Variants in UMAD1 observed in about 807,000 individuals in gnomAD.
UMAD1 encodes UBAP1-MVB12-associated (UMA)-domain containing protein 1.
In UMAD1, 8 loss-of-function variants were observed where a neutral mutation model predicts 6.1. The ratio of observed to expected loss-of-function variants is 1.30; its 90% CI spans 0.76 to 2.35. UMAD1 has a LOEUF of 2.35. UMAD1 is among the 30% of genes most tolerant of loss of function. The probability of loss-of-function intolerance (pLI) is 0.00; values close to 1 mark genes in which losing one functional copy is unlikely to be tolerated. For missense variants in UMAD1, 130 were observed against 78.4 expected (o/e 1.66, Z -2.49); for synonymous variants, 56 against 31.4 (o/e 1.78, Z -2.61).
rs150411259 is a variant in UMAD1 at position 7,835,462 on chromosome 7, C to CTTTTTTTTTTTTTTTTTT, written c.156+33740_156+33757dup. On this transcript the variant is annotated intron_variant, in intron 3 of 3. Coordinates refer to ENST00000682710, the MANE Select transcript of UMAD1 (RefSeq NM_001302348.2). ...CATTCATTCACTCATTGAAACAGCA[C>CTTTTTTTTTTTTTTTTTT]TTTTTTTTTTTTTTTTTTTTTTTTT... 3.3e-4 allele frequency among the ~76,000 whole-genome samples: 11 copies of CTTTTTTTTTTTTTTTTTT among 33,684 alleles called. 4 individuals are homozygous for CTTTTTTTTTTTTTTTTTT. Among genetic ancestry groups the CTTTTTTTTTTTTTTTTTT allele is most frequent in the Non-Finnish European group, 5.1e-4 (9 of 17,670 alleles). 22.1% of individuals were successfully genotyped at this position (33,684 alleles called of 152,430 possible). A position where few individuals can be genotyped will look rare whatever the true frequency, so the allele number is the denominator to read the frequency against.
At chr7:7,782,805 T>C (rs183585917) in intron 2 of UMAD1, among the ~76,000 whole-genome samples, 243 of 151,158 alleles carry the variant, frequency 1.6e-3, no homozygotes, top group Non-Finnish European at 2.9e-3. Context: ...GGCGTGATCT[T>C]GACTCACTGC....
intron 2 of UMAD1, among the ~76,000 whole-genome samples, chr7:7,785,935 T>A (rs920682113): frequency 6.6e-6 from 1 of 152,252 alleles, no homozygotes; most frequent in Non-Finnish European, 1.5e-5. Context: ...GTATATCATA[T>A]TCATGTATTC....
intron 2 of UMAD1, 133 bp downstream of exon 2, chr7:7,673,586 G>T: frequency 1.7e-6 from 1 of 605,544 alleles, no homozygotes; most frequent in Non-Finnish European, 2.9e-6. Flanking sequence ...TTTTTAAAGC[G>T]TAAAATCTGT....
intron 2 of UMAD1, among the ~76,000 whole-genome samples, chr7:7,798,376 A>G (rs559082799): frequency 7.9e-4 from 121 of 152,362 alleles, no homozygotes; most frequent in Middle Eastern, 6.8e-3. Context: ...GCATGGCTGT[A>G]CTATAAGGAT....
At chr7:7,777,371 T>C (rs1384863472) in intron 2 of UMAD1, among the ~76,000 whole-genome samples, 1 of 151,046 alleles carries the variant, frequency 6.6e-6, no homozygotes, top group South Asian at 2.1e-4. Context: ...CTGGGCGTGG[T>C]GGTGGGTGCC....
intron 1 of UMAD1, among the ~76,000 whole-genome samples, chr7:7,649,158 C>CAAAAAAAAAAAAAAAAAAAAAAAA: frequency 7.8e-6 from 1 of 128,864 alleles, no homozygotes; most frequent in Non-Finnish European, 1.6e-5. Flanking sequence ...GACTCCATCT[C>CAAAAAAAAAAAAAAAAAAAAAAAA]AAAAAAAAAA....
intron 3 of UMAD1, among the ~76,000 whole-genome samples, chr7:7,827,137 A>ATGTGTGTG (rs374866603): frequency 0.019 from 2,505 of 129,368 alleles, 39 homozygotes; most frequent in Admixed American, 0.042. Flanking sequence ...ATATATATAT[A>ATGTGTGTG]TATATATATA....
chr7:7,675,128 G>A (rs1044707221), intron 2 of UMAD1, among the ~76,000 whole-genome samples: 1 of 152,122 alleles, frequency 6.6e-6, no homozygotes, highest in Non-Finnish European at 1.5e-5. Flanking sequence ...GCCCCCCAAA[G>A]TGTTGGGATT....
At chr7:7,703,480 G>C (rs1334521891) in intron 2 of UMAD1, among the ~76,000 whole-genome samples, 1 of 152,064 alleles carries the variant, frequency 6.6e-6, no homozygotes, top group Non-Finnish European at 1.5e-5. Flanking sequence ...TTCATTGTGT[G>C]GATATAGCAC....
intron 2 of UMAD1, among the ~76,000 whole-genome samples, chr7:7,791,114 C>G (rs972162751): frequency 6.6e-6 from 1 of 152,178 alleles, no homozygotes; most frequent in Non-Finnish European, 1.5e-5. Context: ...TCTCGAACTC[C>G]CCACCTCAGG....
chr7:7,827,598 T>C (rs761979480), intron 3 of UMAD1, among the ~76,000 whole-genome samples: 4 of 152,166 alleles, frequency 2.6e-5, no homozygotes, highest in Non-Finnish European at 5.9e-5. Context: ...AAGATAACTT[T>C]TGAGAAAATA....
chr7:7,682,609 A>G (rs1245986666), intron 2 of UMAD1, among the ~76,000 whole-genome samples: 1 of 152,202 alleles, frequency 6.6e-6, no homozygotes, highest in Non-Finnish European at 1.5e-5. Flanking sequence ...ACAAAAACTA[A>G]ACAGGTTTTC....
intron 1 of UMAD1, among the ~76,000 whole-genome samples, chr7:7,669,447 C>T (rs964376906): frequency 2.6e-5 from 4 of 152,026 alleles, no homozygotes; most frequent in African/African-American, 9.7e-5. Flanking sequence ...GTTTTTATAC[C>T]ACTGTGTGTT....
At chr7:7,739,132 A>T (rs1432137182) in intron 2 of UMAD1, 1 of 152,242 alleles carries the variant, frequency 6.6e-6, no homozygotes, top group Admixed American at 6.5e-5. Context: ...GTATACTTTA[A>T]GTAGCTTAGA....
At chr7:7,741,419 A>C (rs1029278395) in intron 2 of UMAD1, among the ~76,000 whole-genome samples, 7 of 151,784 alleles carry the variant, frequency 4.6e-5, no homozygotes, top group African/African-American at 1.7e-4. Flanking sequence ...AAAATACAAA[A>C]AATTAGCTGG....
intron 1 of UMAD1, among the ~76,000 whole-genome samples, chr7:7,655,815 G>T (rs905302704): frequency 2.2e-5 from 3 of 134,190 alleles, no homozygotes; most frequent in African/African-American, 5.1e-5. Context: ...ATATATTTAG[G>T]ACAGTCTCTC....
intron 2 of UMAD1, among the ~76,000 whole-genome samples, chr7:7,763,819 A>C (rs1490955923): frequency 6.6e-6 from 1 of 152,236 alleles, no homozygotes; most frequent in East Asian, 1.9e-4. Flanking sequence ...CTTTTACTTA[A>C]ATTCATTCTG....
chr7:7,710,218 T>C (rs1780719643), intron 2 of UMAD1, among the ~76,000 whole-genome samples: 1 of 152,116 alleles, frequency 6.6e-6, no homozygotes, highest in South Asian at 2.1e-4. Context: ...TGTTTTGTTT[T>C]CCTAAAAACA....
intron 3 of UMAD1, among the ~76,000 whole-genome samples, chr7:7,868,794 T>G (rs1413849493): frequency 6.6e-6 from 1 of 152,174 alleles, no homozygotes; most frequent in African/African-American, 2.4e-5. Flanking sequence ...CCCCCCTAAT[T>G]TCTGTATCAG....
Sources: gnomAD v4.1 joint callset for allele counts (sites outside exome capture counted in the v4.1 genomes callset) on GRCh38, gnomAD v4.1.1 for gene constraint, MANE v1.5 for transcripts, NCBI Gene and HGNC (gene_info 2026-07-23, HGNC 2026-07-21) for gene names.